NEDD9: variants seen among roughly 807,000 people sequenced by gnomAD.
NEDD9 encodes the protein neural precursor cell expressed, developmentally down-regulated 9.
Under a neutral mutation model 76.6 loss-of-function variants are expected in NEDD9, and 26 were observed. That is an observed-to-expected ratio of 0.34 (90% confidence interval 0.25 to 0.47). The LOEUF (loss-of-function observed/expected upper bound fraction) is 0.47, where lower values mean the gene tolerates loss of function less well. Ranked by LOEUF, NEDD9 falls within the 20% of genes least tolerant of loss-of-function variation. NEDD9 has a pLI of 1.00. For synonymous variants in NEDD9, 392 were observed against 414.2 expected (o/e 0.95, Z 0.65); for missense variants, 937 against 1,058.5 (o/e 0.89, Z 1.59).
chr6:11,215,145 G>C (rs543625773), intron 1 of NEDD9, among the ~76,000 whole-genome samples: 2 of 152,172 alleles, frequency 1.3e-5, no homozygotes, highest in Non-Finnish European at 2.9e-5. Flanking sequence ...TCAGTAGTTG[G>C]GACGGGTCCA....
At chr6:11,302,597 A>G (rs1285413322) in intron 3 of NEDD9, among the ~76,000 whole-genome samples, 1 of 152,256 alleles carries the variant, frequency 6.6e-6, no homozygotes, top group Non-Finnish European at 1.5e-5. Flanking sequence ...CCTGATGAAC[A>G]TTGATGCAAA....
At chr6:11,277,413 G>A (rs779935055) in intron 3 of NEDD9, among the ~76,000 whole-genome samples, 12 of 152,198 alleles carry the variant, frequency 7.9e-5, no homozygotes, top group African/African-American at 4.8e-5. Context: ...TGGGGGTGGG[G>A]AAGTGGTGGA....
At chr6:11,222,641 C>CA (rs1009416385) in intron 1 of NEDD9, among the ~76,000 whole-genome samples, 3 of 152,212 alleles carry the variant, frequency 2.0e-5, no homozygotes, top group Admixed American at 6.5e-5. Context: ...ATGCATGTTC[C>CA]ATGATGAGGT....
intron 3 of NEDD9, among the ~76,000 whole-genome samples, chr6:11,294,253 C>T (rs1462291282): frequency 6.6e-6 from 1 of 152,164 alleles, no homozygotes; most frequent in Admixed American, 6.5e-5. Flanking sequence ...AACCTGCATG[C>T]TGTGTTCCAT....
At chr6:11,191,345 C>G in intron 4 of NEDD9, 140 bp from the exon 5 acceptor site, 1 of 860,150 alleles carries the variant, frequency 1.2e-6, no homozygotes, top group South Asian at 1.9e-5. Flanking sequence ...CAAGGTTCCC[C>G]GTTATTCTGC....
chr6:11,306,042 G>T, exon 3 of NEDD9: 1 of 1,613,606 alleles, frequency 6.2e-7, no homozygotes, highest in Non-Finnish European at 8.5e-7. Context: ...ATGTTGGAAA[G>T]GACAATTCCG....
intron 3 of NEDD9, among the ~76,000 whole-genome samples, chr6:11,264,068 G>A (rs561009040): frequency 2.0e-5 from 3 of 152,186 alleles, no homozygotes; most frequent in Non-Finnish European, 2.9e-5. Flanking sequence ...GAAGGGAAAC[G>A]GCAACCATCA....
chr6:11,242,373 T>G (rs541476250), intron 3 of NEDD9, among the ~76,000 whole-genome samples: 1 of 152,118 alleles, frequency 6.6e-6, no homozygotes, highest in Admixed American at 6.5e-5. Flanking sequence ...GCAAGGGTGT[T>G]CTTGAACCCA....
intron 3 of NEDD9, among the ~76,000 whole-genome samples, chr6:11,244,748 T>G (rs1490911635): frequency 6.6e-6 from 1 of 152,228 alleles, no homozygotes; most frequent in South Asian, 2.1e-4. Context: ...GTGGTGAATA[T>G]GTTTTTCTCC....
At position 11,190,149 on chromosome 6, in the gene NEDD9, T is replaced by G. The variant is rs968321273; in HGVS notation, c.1720A>C (p.Met574Leu). 2.5e-6 allele frequency: 4 copies of G among 1,614,008 alleles called. No homozygotes were observed. In the African/African-American group the frequency reaches 5.3e-5, roughly 22 times the overall value. Residue 574 changes from methionine (M) to leucine (L), a missense_variant, in exon 5 of 7, where the codon ATG (methionine) becomes CTG (leucine). Physicochemically the swap from Met to Leu is conservative, Grantham distance 15. Transcript: ENST00000379446. The surrounding 1 kb of genome is among the most constrained non-coding windows in gnomAD (Gnocchi z 5.8). ...CCGTGTGGGTACTCCGTTGAGTTCATGATGCTCTCCGGCCCATTCTTCAGA... is the reference window on the plus strand; with the variant it reads ...CCGTGTGGGTACTCCGTTGAGTTCAGGATGCTCTCCGGCCCATTCTTCAGA... ...LHLKNGPESI[M>L]NSTEYPHGGS...
At chr6:11,360,142 G>A (rs1762652461) in intron 1 of NEDD9, among the ~76,000 whole-genome samples, 1 of 152,278 alleles carries the variant, frequency 6.6e-6, no homozygotes, top group South Asian at 2.1e-4. Flanking sequence ...CACTGCTATT[G>A]GAACGAGGCT....
At chr6:11,204,791 A>G (rs1462806231) in intron 2 of NEDD9, among the ~76,000 whole-genome samples, 3 of 152,030 alleles carry the variant, frequency 2.0e-5, no homozygotes, top group Non-Finnish European at 2.9e-5. Flanking sequence ...GTGGCAGAGA[A>G]AGCCAACATA....
chr6:11,332,910 A>G (rs935452377), intron 2 of NEDD9, among the ~76,000 whole-genome samples: 1 of 152,196 alleles, frequency 6.6e-6, no homozygotes, highest in African/African-American at 2.4e-5. Flanking sequence ...TGCTGCATAG[A>G]AGCGGTTAAT....
At chr6:11,371,225 C>CT (rs1159176511) in intron 1 of NEDD9, among the ~76,000 whole-genome samples, 1 of 152,222 alleles carries the variant, frequency 6.6e-6, no homozygotes, top group Non-Finnish European at 1.5e-5. Context: ...GTCGACCTCC[C>CT]TCCACAGACT....
In NEDD9 at chr6:11,187,131, T is replaced by TG. The variant is rs35399791; in HGVS notation, c.1995+1086dup. On this transcript the variant is annotated intron_variant, in intron 6 of 6. Coordinates refer to ENST00000379446, the MANE Select transcript of NEDD9 (RefSeq NM_006403.4). ...TTCATCAATATATCATGTCATTAGATGGGGGGGGTACTTTCCCATTTTATA... is the reference window on the plus strand; with the variant it reads ...TTCATCAATATATCATGTCATTAGATGGGGGGGGGTACTTTCCCATTTTATA... 2.9e-3 allele frequency among the ~76,000 whole-genome samples: 443 copies of TG among 151,798 alleles called. 2 individuals carry two copies. The highest frequency in any genetic ancestry group is 6.8e-3 in the Middle Eastern group (2 of 294).
intron 2 of NEDD9, among the ~76,000 whole-genome samples, chr6:11,330,654 C>A (rs570045090): frequency 1.3e-5 from 2 of 152,330 alleles, no homozygotes; most frequent in African/African-American, 4.8e-5. Flanking sequence ...AAAGGGCAGC[C>A]TGTTTCCTGC....
intron 1 of NEDD9, among the ~76,000 whole-genome samples, chr6:11,216,655 T>A (rs1417038691): frequency 6.6e-6 from 1 of 152,236 alleles, no homozygotes; most frequent in East Asian, 1.9e-4. Context: ...GGTCTTAGGT[T>A]CTAGCTGTGT....
At chr6:11,195,037 C>A (rs143242539) in intron 2 of NEDD9, among the ~76,000 whole-genome samples, 11 of 152,282 alleles carry the variant, frequency 7.2e-5, no homozygotes, top group African/African-American at 2.6e-4. Flanking sequence ...AAACCGTCAA[C>A]TTTTATCCTT....
intron 3 of NEDD9, among the ~76,000 whole-genome samples, chr6:11,278,923 T>TAAA (rs369418771): frequency 1.8e-3 from 256 of 146,244 alleles, no homozygotes; most frequent in African/African-American, 5.6e-3. Context: ...GATAAAGAGT[T>TAAA]AAAAAAAAAA....
Sources: gnomAD v4.1 joint callset for allele counts (sites outside exome capture counted in the v4.1 genomes callset) on GRCh38, gnomAD v4.1.1 for gene constraint, Gnocchi (gnomAD v3.1) non-coding constraint, MANE v1.5 for transcripts, NCBI Gene and HGNC (gene_info 2026-07-23, HGNC 2026-07-21) for gene names.